The following FAT2 variants were observed in gnomAD, a reference collection of about 807,000 sequenced individuals.
FAT2 encodes protocadherin Fat 2.
In FAT2, 150 loss-of-function variants were observed where a neutral mutation model predicts 295.3. The observed-to-expected ratio is 0.51, with a 90% confidence interval of 0.44 to 0.58. FAT2 has a LOEUF of 0.58. Ranked by LOEUF, FAT2 falls within the 20% of genes least tolerant of loss-of-function variation. The probability of loss-of-function intolerance (pLI) is 0.00; values close to 1 mark genes in which losing one functional copy is unlikely to be tolerated. For synonymous variants in FAT2, 2,026 were observed against 2,150.3 expected, an observed-to-expected ratio of 0.94 and a Z score of 1.60; for missense variants, 4,868 against 5,442.7, an observed-to-expected ratio of 0.89 and a Z score of 3.32.
chr5:151,532,742 G>A (rs185336985), intron 13 of FAT2, among the ~76,000 whole-genome samples: 14 of 152,298 alleles, frequency 9.2e-5, no homozygotes, highest in African/African-American at 2.9e-4. Context: ...TGAAGCAGTT[G>A]GCCATAGTGT....
At position 151,565,945 on chromosome 5, in the gene FAT2, T is replaced by C. The variant is rs1449975377; in HGVS notation, c.2987A>G (p.Asn996Ser). ...ACCATCACTGGCCCACAGGCTCAGA[T>C]TGTACCCAGCTCGCCTCTCAAAGTC... ...ELDFERRAGY[N>S]LSLWASDGGR... is the part of the protein sequence containing the mutation. The change falls in exon 2 of 24, where the codon AAT becomes AGT. Residue 996 changes from asparagine (N) to serine (S), a missense_variant. Coordinates refer to ENST00000261800, the MANE Select transcript of FAT2 (RefSeq NM_001447.3). The C allele has an allele frequency of 6.2e-6, 10 of 1,613,770 alleles. No individual in the cohort carries two copies. Among genetic ancestry groups the C allele is most frequent in the Middle Eastern group, 1.6e-4 (1 of 6,082 alleles).
At chr5:151,571,189 A>G (rs1397101520) in intron 1 of FAT2, among the ~76,000 whole-genome samples, 1 of 151,760 alleles carries the variant, frequency 6.6e-6, no homozygotes. Context: ...TAGTGGGGCC[A>G]GCCCCAGGCA....
At chr5:151,552,727 G>A (rs923230952) in intron 6 of FAT2, among the ~76,000 whole-genome samples, 4 of 152,182 alleles carry the variant, frequency 2.6e-5, no homozygotes, top group South Asian at 2.1e-4. Context: ...CAAGTGCCTC[G>A]TAGAATGAGA....
chr5:151,584,895 A>G (rs1232028734), intron 1 of FAT2, among the ~76,000 whole-genome samples: 1 of 152,158 alleles, frequency 6.6e-6, no homozygotes, highest in African/African-American at 2.4e-5. Context: ...TAAAAAATAT[A>G]TATAGATTCC....
chr5:151,513,694 T>C (rs6873303), intron 20 of FAT2, among the ~76,000 whole-genome samples: 109,888 of 151,970 alleles, frequency 0.72, 40,126 homozygotes, highest in East Asian at 0.96. Context: ...TCCCCTATGA[T>C]ACATCGGTTA....
chr5:151,517,745 C>T lies in FAT2; in HGVS notation c.11338G>A (p.Gly3780Ser), dbSNP rs752820775. ...SCNGTATRFSGQSYVRYRAPA... is the reference protein window; with the variant it reads ...SCNGTATRFSSQSYVRYRAPA... ...GCCCTGTACCGCACATAGCTCTGAC[C>T]ACTGAACCTTGTAGCAGTACCTGAG... is the stretch of plus-strand genomic sequence containing the variant. The change falls in exon 20 of 24, where the codon GGT becomes AGT. Residue 3780 changes from glycine to serine, a missense_variant. By Grantham distance (56) the Gly-to-Ser change is moderately conservative. Around this residue, in one of 5 missense-constraint regions of FAT2, gnomAD observed 1,046 missense variants for 1,210.1 expected, o/e 0.86. Transcript: ENST00000261800. The T allele has an allele frequency of 1.9e-6, 3 of 1,614,214 alleles. No homozygotes were observed. The Admixed American group carries it at 5.0e-5, about 27-fold the overall frequency.
chr5:151,522,172 C>T (rs181421793), intron 18 of FAT2, 86 bp from the exon 19 acceptor site: 43 of 1,109,248 alleles, frequency 3.9e-5, no homozygotes, highest in Middle Eastern at 6.2e-4. Flanking sequence ...TGTGGAGCTA[C>T]GTTTCTCTGC....
chr5:151,575,673 G>A (rs981345742), intron 1 of FAT2, among the ~76,000 whole-genome samples: 1 of 152,156 alleles, frequency 6.6e-6, no homozygotes, highest in Non-Finnish European at 1.5e-5. Flanking sequence ...CTGTGCCCAG[G>A]TTCACTCGTC....
At chr5:151,562,057 CAGG>C (rs1309184549) in intron 3 of FAT2, among the ~76,000 whole-genome samples, 2 of 152,114 alleles carry the variant, frequency 1.3e-5, no homozygotes, top group South Asian at 2.1e-4. Context: ...GCCTGTTTTC[CAGG>C]AGAAAAGCAT....
intron 1 of FAT2, among the ~76,000 whole-genome samples, chr5:151,576,598 G>C (rs1758757203): frequency 6.6e-6 from 1 of 152,164 alleles, no homozygotes; most frequent in Non-Finnish European, 1.5e-5. Flanking sequence ...AAACTTTTAG[G>C]TTGAAGAGTT....
rs562949990 is a variant in FAT2 at position 151,565,327 on chromosome 5, T to C, written c.3259+346A>G. On this transcript the variant is annotated intron_variant, in intron 2 of 23. Coordinates refer to ENST00000261800, the MANE Select transcript of FAT2 (RefSeq NM_001447.3). ...TACAAAGAAAGAAACTTTAGAAGATTATAGACCAAATTGTTAATAAAGATT... is the reference window on the plus strand; with the variant it reads ...TACAAAGAAAGAAACTTTAGAAGATCATAGACCAAATTGTTAATAAAGATT... Among the ~76,000 whole-genome samples, 52 of 151,974 alleles carry C rather than the reference T, an allele frequency of 3.4e-4. No homozygotes were observed. The South Asian group carries it at 7.0e-3, about 21-fold the overall frequency.
At chr5:151,522,938 G>T (rs924307170) in intron 18 of FAT2, among the ~76,000 whole-genome samples, 15 of 152,104 alleles carry the variant, frequency 9.9e-5, no homozygotes, top group African/African-American at 3.6e-4. Flanking sequence ...ACTTAAGTAG[G>T]GAAAAGAATG....
chr5:151,551,489 C>T lies in FAT2; in HGVS notation c.4274G>A (p.Gly1425Glu), dbSNP rs1757209266. 1 of 1,614,036 alleles carries T rather than the reference C, an allele frequency of 6.2e-7. No individual in the cohort carries two copies. The part of the protein sequence containing the change: ...NYNLTVEVTD[G>E]SRTIATQVHI... ...AACCTGTGTGGCAATGGTGCGGGAC[C>T]CATCTGTCACCTCAACAGTCAAGTT... Residue 1425 changes from glycine to glutamate, a missense_variant, in exon 7 of 24, where the codon GGG (glycine) becomes GAG (glutamate). Physicochemically the swap from Gly to Glu is moderately conservative, Grantham distance 98 (BLOSUM62 -2). Transcript: ENST00000261800.
intron 1 of FAT2, among the ~76,000 whole-genome samples, chr5:151,579,047 C>A (rs930596750): frequency 1.3e-5 from 2 of 152,080 alleles, no homozygotes; most frequent in East Asian, 3.9e-4. Flanking sequence ...TTGAAAAATT[C>A]TTAAGCCAGA....
upstream of FAT2, among the ~76,000 whole-genome samples, chr5:151,593,449 ACTC>A (rs1453597032): frequency 6.6e-6 from 1 of 150,784 alleles, no homozygotes; most frequent in East Asian, 2.0e-4. Context: ...CTCCCTTACC[ACTC>A]TCCTGACCCA....
At chr5:151,580,601 A>T (rs918352389) in intron 1 of FAT2, among the ~76,000 whole-genome samples, 2 of 152,112 alleles carry the variant, frequency 1.3e-5, no homozygotes, top group Admixed American at 1.3e-4. Flanking sequence ...GCGTGCTCGC[A>T]CACACACACA....
intron 1 of FAT2, among the ~76,000 whole-genome samples, chr5:151,579,872 G>A (rs1297720384): frequency 6.6e-6 from 1 of 152,104 alleles, no homozygotes; most frequent in Non-Finnish European, 1.5e-5. Flanking sequence ...GCTAGCTGTT[G>A]TTATTTTATA....
rs1755611502 is a variant in FAT2 at position 151,537,782 on chromosome 5, A to G, written c.9193+11T>C. ...AGTTCTTGTTTTGATCCTGCAGCTC[A>G]GGAAACCCACCTGTATGAGGATCCA... On this transcript the variant is annotated intron_variant, in intron 12 of 23. Transcript: ENST00000261800. 6.2e-7 allele frequency: 1 copy of G among 1,605,606 alleles called. No individual in the cohort carries two copies. The highest frequency in any genetic ancestry group is 1.1e-5 in the South Asian group (1 of 90,062).
intron 2 of FAT2, 139 bp from the exon 3 acceptor site, chr5:151,563,778 T>C (rs1758131290): frequency 1.5e-6 from 1 of 662,512 alleles, no homozygotes; most frequent in Non-Finnish European, 2.6e-6. Context: ...AAGGAACTGC[T>C]TCTACCAGTA....
Sources: gnomAD v4.1 joint callset for allele counts (sites outside exome capture counted in the v4.1 genomes callset) on GRCh38, gnomAD v4.1.1 for gene constraint, gnomAD v4.1.1 regional missense constraint, MANE v1.5 for transcripts, NCBI Gene and HGNC (gene_info 2026-07-23, HGNC 2026-07-21) for gene names.